The following ATG16L2 variants were observed in gnomAD, a reference collection of about 807,000 sequenced individuals.
ATG16L2 encodes protein Atg16l2.
Under a neutral mutation model 84.7 loss-of-function variants are expected in ATG16L2, and 77 were observed. That is an observed-to-expected ratio of 0.91 (90% CI 0.76 to 1.10). The LOEUF (loss-of-function observed/expected upper bound fraction) is 1.10, where lower values mean the gene tolerates loss of function less well. Among genes scored for constraint, ATG16L2 ranks in the 50% least tolerant of loss-of-function variants. The pLI, the probability that ATG16L2 is intolerant of heterozygous loss-of-function variation, is 0.00. For synonymous variants in ATG16L2, 361 were observed against 342.8 expected (o/e 1.05, Z -0.59); for missense variants, 782 against 817.6 (o/e 0.96, Z 0.53).
intron 10 of ATG16L2, 31 bp downstream of exon 10, chr11:72,825,438 G>A: frequency 6.4e-7 from 1 of 1,569,232 alleles, no homozygotes; most frequent in South Asian, 1.1e-5. Context: ...GGCCAACTTG[G>A]TGCTTCTCTC....
intron 3 of ATG16L2, chr11:72,819,091 C>T (rs1361039909): frequency 6.6e-6 from 1 of 152,188 alleles, no homozygotes; most frequent in African/African-American, 2.4e-5. Flanking sequence ...GGGCCTGTGT[C>T]CACAGTCCAT....
chr11:72,837,313 T>G (rs1292522922), intron 5 of ATG16L2: 1 of 152,474 alleles, frequency 6.6e-6, no homozygotes, highest in Non-Finnish European at 1.5e-5. Context: ...GAACTAAAAA[T>G]TTCTTCAGTT....
Position 72,822,499 on chromosome 11 carries a change from C to A in ATG16L2, c.666C>A (p.Ser222=). The A allele has an allele frequency of 1.2e-6, 2 of 1,613,140 alleles. No individual in the cohort carries two copies. The highest frequency in any genetic ancestry group is 1.7e-5 in the Admixed American group (1 of 59,856). ...CAAGGGCCAAGCAGGCGCGGGTGTC[C>A]CAGGAGCTGAAGAAGGCTGCCAAGC... ...RRERAKQARV[S]QELKKAAKRT... The change falls in exon 6 of 18, where the codon TCC becomes TCA. Residue 222 remains serine, a synonymous_variant. Coordinates refer to ENST00000321297, the MANE Select transcript of ATG16L2 (RefSeq NM_033388.2). This position sits in a 1 kb window ranked among gnomAD's most constrained non-coding sequence, Gnocchi z 4.2.
downstream of ATG16L2, among the ~76,000 whole-genome samples, chr11:72,832,652 G>C (rs1291610497): frequency 6.6e-6 from 1 of 152,174 alleles, no homozygotes; most frequent in Non-Finnish European, 1.5e-5. Flanking sequence ...GCCTGAATTC[G>C]GGTGCCTAGG....
At chr11:72,817,364 A>G (rs1808621) in intron 2 of ATG16L2, among the ~76,000 whole-genome samples, 151,836 of 152,204 alleles carry the variant, frequency 1, 75,735 homozygotes, top group Middle Eastern at 1. Flanking sequence ...GCCTCCTGGA[A>G]CGTGCACCAC....
At chr11:72,838,252 A>C (rs1860793776) in intron 5 of ATG16L2, 1 of 153,394 alleles carries the variant, frequency 6.5e-6, no homozygotes. Flanking sequence ...ATTTTTCCCA[A>C]TAAGGTTTCA....
downstream of ATG16L2, among the ~76,000 whole-genome samples, chr11:72,831,698 G>A (rs1860611069): frequency 6.6e-6 from 1 of 152,134 alleles, no homozygotes; most frequent in African/African-American, 2.4e-5. Context: ...CATGGCTGGG[G>A]AGACCGACAC....
At chr11:72,817,947 CA>C (rs1859786822) in intron 3 of ATG16L2, 92 bp downstream of exon 3, 4 of 1,142,520 alleles carry the variant, frequency 3.5e-6, no homozygotes, top group Non-Finnish European at 5.0e-6. Context: ...CTGAATTCTC[CA>C]AGCCCAGTGC....
rs1860405443 is a variant in ATG16L2 at position 72,827,029 on chromosome 11, G to C, written c.1367-159G>C. ...TCTTGGTGACCTCAGGCTGTGGGTAGGAAAAAGACGTGGGTGAGCCCTGTG... is the reference window on the plus strand; with the variant it reads ...TCTTGGTGACCTCAGGCTGTGGGTACGAAAAAGACGTGGGTGAGCCCTGTG... On this transcript the variant is annotated intron_variant, in intron 13 of 17. Transcript: ENST00000321297. The C allele has an allele frequency of 1.6e-5, 13 of 834,404 alleles. No individual in the cohort carries two copies. The South Asian group carries it at 2.3e-4, about 15-fold the overall frequency. The allele number at this position is 834,404 out of a possible 1,614,324, so 51.7% of individuals were successfully genotyped here. A position where few individuals can be genotyped will look rare whatever the true frequency, so the allele number is the denominator to read the frequency against.
chr11:72,830,104 C>CT (rs1173265096), downstream of ATG16L2, among the ~76,000 whole-genome samples: 3 of 152,256 alleles, frequency 2.0e-5, no homozygotes, highest in East Asian at 5.8e-4. Context: ...AGCAAGGCCT[C>CT]TGTGTGTCTG....
At chr11:72,835,879 A>G (rs536675609) in intron 5 of ATG16L2, among the ~76,000 whole-genome samples, 4 of 151,910 alleles carry the variant, frequency 2.6e-5, no homozygotes, top group Non-Finnish European at 5.9e-5. Flanking sequence ...CTCCAGAGTA[A>G]CTGGGATTAC....
In ATG16L2 at chr11:72,816,660, T is replaced by C; in HGVS notation, c.119-68T>C. On this transcript the variant is annotated intron_variant, in intron 1 of 17. Transcript: ENST00000321297. Reference sequence around the variant, plus strand: ...CTCCTTCAGCCCTTTTAGCCGGAGATAAATTGCATGCCAGGGGGCTGCTGG... The same window carrying C: ...CTCCTTCAGCCCTTTTAGCCGGAGACAAATTGCATGCCAGGGGGCTGCTGG... The C allele has an allele frequency of 3.0e-6, 4 of 1,313,494 alleles. No individual in the cohort carries two copies. In the Admixed American group the frequency reaches 6.9e-5, roughly 23 times the overall value. The allele number at this position is 1,313,494 out of a possible 1,614,324, so 81.4% of individuals were successfully genotyped here.
chr11:72,842,606 TC>T (rs1177635533), intron 5 of ATG16L2: 1 of 1,613,834 alleles, frequency 6.2e-7, no homozygotes. Context: ...TTCAACTGTC[TC>T]CCCTCTCAGG....
rs1160766008 is a variant in ATG16L2, at chr11:72,824,133, G to A, written c.887+11G>A. 1 of 1,614,182 alleles carries A rather than the reference G, an allele frequency of 6.2e-7. No homozygotes were observed. Among genetic ancestry groups the A allele is most frequent in the Admixed American group, 1.7e-5 (1 of 60,030 alleles). On this transcript the variant is annotated intron_variant, in intron 8 of 17. Coordinates refer to ENST00000321297, the MANE Select transcript of ATG16L2 (RefSeq NM_033388.2). ...GAAGGGGCTTCTGGAGTAAGTGTGT[G>A]TGTGCCTGTGTGTGCACCCACGTGT...
At chr11:72,832,917 G>GA (rs1860638418), downstream of ATG16L2, among the ~76,000 whole-genome samples, 1 of 152,218 alleles carries the variant, frequency 6.6e-6, no homozygotes, top group African/African-American at 2.4e-5. Context: ...CCCCACCTGT[G>GA]AAACTTCCTG....
At chr11:72,827,865 A>G (rs1307987599) in intron 14 of ATG16L2, among the ~76,000 whole-genome samples, 4 of 152,200 alleles carry the variant, frequency 2.6e-5, no homozygotes. Flanking sequence ...CCCGGGAGGC[A>G]GAGGTTGCAG....
At chr11:72,840,490 C>T (rs1473338696) in intron 5 of ATG16L2, among the ~76,000 whole-genome samples, 3 of 152,110 alleles carry the variant, frequency 2.0e-5, no homozygotes, top group Non-Finnish European at 2.9e-5. Flanking sequence ...CTCTTTAAGG[C>T]CATGAAGTTA....
At chr11:72,842,845 G>A (rs1186710926) in exon 6 of ATG16L2, 4 of 1,610,236 alleles carry the variant, frequency 2.5e-6, no homozygotes, top group Non-Finnish European at 3.4e-6. Flanking sequence ...AAACATACTA[G>A]GGAGCAAGAG....
intron 1 of ATG16L2, chr11:72,815,966 A>T (rs1859675079): frequency 6.6e-6 from 1 of 152,112 alleles, no homozygotes; most frequent in Admixed American, 6.6e-5. Flanking sequence ...GGGCTGGGGA[A>T]GTTGGGATTA....
Sources: allele counts gnomAD v4.1 joint callset (sites outside exome capture counted in the v4.1 genomes callset), GRCh38; gene constraint gnomAD v4.1.1; non-coding constraint Gnocchi (gnomAD v3.1); transcripts MANE v1.5; gene names NCBI Gene and HGNC (gene_info 2026-07-23, HGNC 2026-07-21).